Variants in PLEKHA6 observed in about 807,000 individuals in gnomAD.
PLEKHA6 encodes the protein pleckstrin homology domain containing A6.
PLEKHA6 carries 60 observed loss-of-function variants against 116.7 expected under a neutral mutation model. That is an observed-to-expected ratio of 0.51 (90% CI 0.42 to 0.64). The LOEUF (loss-of-function observed/expected upper bound fraction) is 0.64. PLEKHA6 is among the 30% of genes least tolerant of loss of function. PLEKHA6 has a pLI of 0.00. For synonymous variants in PLEKHA6, 489 were observed against 556.1 expected, an observed-to-expected ratio of 0.88 and a Z score of 1.70; for missense variants, 1,338 against 1,422.7, an observed-to-expected ratio of 0.94 and a Z score of 0.96.
chr1:204,312,977 A>C (rs1232140432), intron 1 of PLEKHA6, among the ~76,000 whole-genome samples: 2 of 127,822 alleles, frequency 1.6e-5, no homozygotes. Context: ...CATTCCTCCC[A>C]CCTCAGCTTC....
At chr1:204,360,799 C>A (rs1424719974), upstream of PLEKHA6, among the ~76,000 whole-genome samples, 1 of 152,102 alleles carries the variant, frequency 6.6e-6, no homozygotes, top group Non-Finnish European at 1.5e-5. Flanking sequence ...CTACGGGGTA[C>A]CTGGGTTCTG....
rs564479553 is a variant in PLEKHA6, at chr1:204,229,191, C to G, written c.2584-87G>C. ...ATGCCCTGTCCTCGCTTTCCCTTCC[C>G]AGCTCGCCTGATCTAGCTGCCACCC... On this transcript the variant is annotated intron_variant, in intron 18 of 22. Transcript: ENST00000272203. 60 of 1,338,422 alleles carry G rather than the reference C, an allele frequency of 4.5e-5. No homozygotes were observed. The East Asian group carries it at 1.4e-3, about 31-fold the overall frequency. 82.9% of individuals were successfully genotyped at this position (1,338,422 alleles called of 1,614,324 possible). A position where few individuals can be genotyped will look rare whatever the true frequency, so the allele number is the denominator to read the frequency against.
At chr1:204,328,234 C>T (rs1012046771) in intron 1 of PLEKHA6, among the ~76,000 whole-genome samples, 3 of 151,512 alleles carry the variant, frequency 2.0e-5, no homozygotes, top group African/African-American at 7.3e-5. Flanking sequence ...AGGCATGCAC[C>T]CCCACGCCCA....
At chr1:204,326,247 A>G (rs1672239003) in intron 1 of PLEKHA6, among the ~76,000 whole-genome samples, 1 of 152,148 alleles carries the variant, frequency 6.6e-6, no homozygotes, top group African/African-American at 2.4e-5. Flanking sequence ...GCACAAGTAG[A>G]CACTCAGCTC....
chr1:204,333,001 T>C (rs776169515), intron 1 of PLEKHA6, among the ~76,000 whole-genome samples: 1 of 152,180 alleles, frequency 6.6e-6, no homozygotes. Flanking sequence ...CTGCCCCACC[T>C]AGGGAGGAGG....
At chr1:204,283,021 C>T (rs1296176681) in intron 1 of PLEKHA6, among the ~76,000 whole-genome samples, 2 of 152,206 alleles carry the variant, frequency 1.3e-5, no homozygotes, top group African/African-American at 4.8e-5. Flanking sequence ...CCCCACCGCC[C>T]CGCCGCCTTC....
At position 204,269,555 on chromosome 1, in the gene PLEKHA6, C is replaced by T. The variant is rs1490588484; in HGVS notation, c.103-1243G>A. Among the ~76,000 whole-genome samples, 4 of 151,530 alleles carry T rather than the reference C, an allele frequency of 2.6e-5. No individual in the cohort carries two copies. The East Asian group carries it at 5.9e-4, about 22-fold the overall frequency. On this transcript the variant is annotated intron_variant, in intron 3 of 22. Coordinates refer to ENST00000272203, the MANE Select transcript of PLEKHA6 (RefSeq NM_014935.5). Reference sequence around the variant, plus strand: ...CAGCTCCACCCCACACCCTCACCATCCTTCCCAGCCCCCCGACCTCCCCTG... The same window carrying T: ...CAGCTCCACCCCACACCCTCACCATTCTTCCCAGCCCCCCGACCTCCCCTG...
chr1:204,283,249 A>G (rs1477225120), intron 1 of PLEKHA6, among the ~76,000 whole-genome samples: 1 of 145,896 alleles, frequency 6.9e-6, no homozygotes, highest in Non-Finnish European at 1.5e-5. Flanking sequence ...AAGCTGGCTG[A>G]TCTCTCTCCT....
chr1:204,324,309 T>G (rs1490465699), intron 1 of PLEKHA6, among the ~76,000 whole-genome samples: 1 of 151,992 alleles, frequency 6.6e-6, no homozygotes, highest in Non-Finnish European at 1.5e-5. Flanking sequence ...TCTCAAAGGC[T>G]GAAGTAGAGG....
chr1:204,282,558 C>T, intron 1 of PLEKHA6: 1 of 763,418 alleles, frequency 1.3e-6, no homozygotes, highest in Non-Finnish European at 1.6e-6. Context: ...ACCACAGGGC[C>T]CTCCAAGACT....
intron 1 of PLEKHA6, 61 bp downstream of exon 1, chr1:204,359,633 T>A: frequency 1.0e-6 from 1 of 985,414 alleles, no homozygotes; most frequent in East Asian, 1.1e-4. Context: ...CTGCCAGCCC[T>A]GACCAGAGCC....
chr1:204,375,865 C>A (rs554217038), intron 1 of PLEKHA6, among the ~76,000 whole-genome samples: 2 of 125,528 alleles, frequency 1.6e-5, no homozygotes, highest in Non-Finnish European at 3.4e-5. Context: ...GTTACCTGTT[C>A]CTCAGCCCCC....
Position 204,230,428 on chromosome 1 carries a change from C to A in PLEKHA6, c.2568G>T (p.Arg856=). 1 of 1,581,326 alleles carries A rather than the reference C, an allele frequency of 6.3e-7. No individual in the cohort carries two copies. The highest frequency in any genetic ancestry group is 1.8e-5 in the Admixed American group (1 of 54,788). ...AAGGCATTACCACTTTGTAGGCTGG[C>A]CGGGGACTGGGGTCGGGGGCCGGGC... The part of the protein sequence containing the change: ...PASPAPDPSP[R]PAYKVVRRHR... The change falls in exon 18 of 23, where the codon CGG becomes CGT. Residue 856 remains arginine (R), a synonymous_variant. Transcript: ENST00000272203.
At position 204,228,166 on chromosome 1, in the gene PLEKHA6, C is replaced by T. The variant is rs1445204048; in HGVS notation, c.2948G>A (p.Ser983Asn). 1 of 1,613,436 alleles carries T rather than the reference C, an allele frequency of 6.2e-7. No individual in the cohort carries two copies. Among genetic ancestry groups the T allele is most frequent in the South Asian group, 1.1e-5 (1 of 90,992 alleles). ...CCGCTTCTCCTGCTCCTGCAGCTGG[C>T]TCTCTGAGTCCTGGGGCACGTCCAC... Reference protein sequence around the residue: ...DSVDVPQDSESQLQEQEKRIE... With the variant: ...DSVDVPQDSENQLQEQEKRIE... Residue 983 changes from serine to asparagine, a missense_variant, in exon 21 of 23, where the codon AGC (serine) becomes AAC (asparagine). Physicochemically the swap from Ser to Asn is conservative, Grantham distance 46. Coordinates refer to ENST00000272203, the MANE Select transcript of PLEKHA6 (RefSeq NM_014935.5). This position sits in a 1 kb window ranked among gnomAD's most constrained non-coding sequence, Gnocchi z 4.0.
Position 204,241,815 on chromosome 1 carries a change from C to A in PLEKHA6, c.2173-1G>T. On this transcript the variant is annotated splice_acceptor_variant, in intron 15 of 22. Coordinates refer to ENST00000272203, the MANE Select transcript of PLEKHA6 (RefSeq NM_014935.5). LOFTEE classifies it high-confidence loss of function. ...TGCTTTGTTCATAGTTTGCCTTGGG[C>A]TGGGGAGAAAGGGTGAGAAGATGGT... The A allele has an allele frequency of 6.2e-7, 1 of 1,614,054 alleles. No homozygotes were observed. Among genetic ancestry groups the A allele is most frequent in the Non-Finnish European group, 8.5e-7 (1 of 1,179,996 alleles).
intron 3 of PLEKHA6, among the ~76,000 whole-genome samples, chr1:204,270,253 A>C (rs1166957489): frequency 6.6e-6 from 1 of 152,072 alleles, no homozygotes; most frequent in Non-Finnish European, 1.5e-5. Flanking sequence ...GGCCGCAATC[A>C]CACTTTTATT....
At chr1:204,310,987 C>G (rs536913163) in intron 1 of PLEKHA6, among the ~76,000 whole-genome samples, 1 of 152,270 alleles carries the variant, frequency 6.6e-6, no homozygotes, top group South Asian at 2.1e-4. Flanking sequence ...TTAGGGAAAC[C>G]CCTTATCCTG....
At chr1:204,293,710 C>T (rs945770654) in intron 1 of PLEKHA6, among the ~76,000 whole-genome samples, 5 of 152,120 alleles carry the variant, frequency 3.3e-5, no homozygotes, top group Non-Finnish European at 5.9e-5. Flanking sequence ...AGTTTTTTGG[C>T]ACCCATTTGG....
chr1:204,240,080 T>C (rs1023393427), intron 17 of PLEKHA6, among the ~76,000 whole-genome samples: 2 of 152,220 alleles, frequency 1.3e-5, no homozygotes, highest in African/African-American at 4.8e-5. Context: ...AAGGGAGTTA[T>C]AGTGTTGGCT....
Sources: gnomAD v4.1 joint callset for allele counts (sites outside exome capture counted in the v4.1 genomes callset) on GRCh38, gnomAD v4.1.1 for gene constraint, Gnocchi (gnomAD v3.1) non-coding constraint, MANE v1.5 for transcripts, NCBI Gene and HGNC (gene_info 2026-07-23, HGNC 2026-07-21) for gene names.